The following PTPRK variants were observed in gnomAD, a reference collection of about 807,000 sequenced individuals.
The protein encoded by PTPRK is protein tyrosine phosphatase receptor type K, also known as receptor-type tyrosine-protein phosphatase kappa.
PTPRK carries 75 observed loss-of-function variants against 178.0 expected under a neutral mutation model. The observed-to-expected ratio is 0.42, with a 90% CI of 0.35 to 0.51. The LOEUF (loss-of-function observed/expected upper bound fraction) is 0.51, where lower values mean the gene tolerates loss of function less well. PTPRK is among the 20% of genes least tolerant of loss of function. The pLI is 0.02. For missense variants in PTPRK, 1,441 were observed against 1,797.8 expected, an observed-to-expected ratio of 0.80 and a Z score of 3.59; for synonymous variants, 637 against 620.6, an observed-to-expected ratio of 1.03 and a Z score of -0.39.
chr6:128,365,296 CACAA>C (rs1562365105), intron 2 of PTPRK, among the ~76,000 whole-genome samples: 1 of 152,044 alleles, frequency 6.6e-6, no homozygotes, highest in Non-Finnish European at 1.5e-5. Context: ...TCTTTATAGA[CACAA>C]ACAATCAAAG....
At chr6:128,252,150 C>T (rs183467974) in intron 3 of PTPRK, among the ~76,000 whole-genome samples, 14 of 152,250 alleles carry the variant, frequency 9.2e-5, no homozygotes, top group Middle Eastern at 3.4e-3. Flanking sequence ...AGCCCAAAGA[C>T]GGAGATTTTC....
chr6:128,108,970 G>C (rs1256028892), intron 7 of PTPRK, among the ~76,000 whole-genome samples: 1 of 152,012 alleles, frequency 6.6e-6, no homozygotes, highest in African/African-American at 2.4e-5. Context: ...CCCAAACTCT[G>C]ACCTCCAAAT....
intron 17 of PTPRK, among the ~76,000 whole-genome samples, chr6:127,996,027 A>C (rs144655904): frequency 4.9e-4 from 74 of 152,226 alleles, no homozygotes; most frequent in African/African-American, 1.7e-3. Context: ...AATTCAGAGC[A>C]GAGTGGTCTA....
rs148650575 is a variant in PTPRK at position 128,307,831 on chromosome 6, A to G, written c.495+14208T>C. The stretch of plus-strand genomic sequence containing the variant: ...CAAGGGTTACTCAGCATATGCATCA[A>G]TAGAAATGCATACTGCCAGCTGGAA... On this transcript the variant is annotated intron_variant, in intron 3 of 29. Coordinates refer to ENST00000368226, the MANE Select transcript of PTPRK (RefSeq NM_002844.4). 1.3e-3 allele frequency among the ~76,000 whole-genome samples: 198 copies of G among 152,318 alleles called. 1 individual carries two copies. The highest frequency in any genetic ancestry group is 4.5e-3 in the African/African-American group (188 of 41,578).
chr6:128,063,066 C>T (rs770111766), intron 13 of PTPRK, among the ~76,000 whole-genome samples: 2 of 152,046 alleles, frequency 1.3e-5, no homozygotes, highest in African/African-American at 2.4e-5. Context: ...ATAAGTTTCT[C>T]AATACTAAAA....
At chr6:128,423,455 T>C (rs1843728484) in intron 1 of PTPRK, among the ~76,000 whole-genome samples, 1 of 151,964 alleles carries the variant, frequency 6.6e-6, no homozygotes, top group Non-Finnish European at 1.5e-5. Flanking sequence ...ATTTTAAAAC[T>C]ATTTCTTGAG....
At chr6:127,975,515 G>A (rs2114610946) in intron 27 of PTPRK, among the ~76,000 whole-genome samples, 1 of 152,230 alleles carries the variant, frequency 6.6e-6, no homozygotes, top group Non-Finnish European at 1.5e-5. Flanking sequence ...ACTGAAACAT[G>A]ATAATCCTAA....
intron 13 of PTPRK, among the ~76,000 whole-genome samples, chr6:128,017,768 A>AAATC (rs1443818659): frequency 1.4e-4 from 18 of 130,836 alleles, no homozygotes; most frequent in Non-Finnish European, 2.4e-4. Flanking sequence ...ATACATATAT[A>AAATC]AATATTTATA....
At chr6:128,515,388 T>C in intron 1 of PTPRK, among the ~76,000 whole-genome samples, 1 of 152,192 alleles carries the variant, frequency 6.6e-6, no homozygotes, top group Non-Finnish European at 1.5e-5. Flanking sequence ...CTTTTTTTTT[T>C]CAGTACTATG....
chr6:128,057,225 T>C (rs898187616), intron 13 of PTPRK, among the ~76,000 whole-genome samples: 1 of 152,222 alleles, frequency 6.6e-6, no homozygotes, highest in Non-Finnish European at 1.5e-5. Context: ...TCTTCAAATA[T>C]TCTTTTAACT....
intron 1 of PTPRK, among the ~76,000 whole-genome samples, chr6:128,476,914 G>A (rs1851447536): frequency 6.6e-6 from 1 of 151,630 alleles, no homozygotes; most frequent in African/African-American, 2.4e-5. Context: ...TCTTGAGAGT[G>A]AAAACGAATA....
rs542502188 is a variant in PTPRK at position 128,295,145 on chromosome 6, G to A, written c.495+26894C>T. On this transcript the variant is annotated intron_variant, in intron 3 of 29. Coordinates refer to ENST00000368226, the MANE Select transcript of PTPRK (RefSeq NM_002844.4). ...AAATACAAACTATGCAATAAACTATGTGTCAACATATGAATACTTTCAAAC... is the reference window on the plus strand; with the variant it reads ...AAATACAAACTATGCAATAAACTATATGTCAACATATGAATACTTTCAAAC... Among the ~76,000 whole-genome samples, 34 of 152,172 alleles carry A rather than the reference G, an allele frequency of 2.2e-4. No individual in the cohort carries two copies. In the South Asian group the frequency reaches 6.6e-3, roughly 30 times the overall value.
rs200274380 is a variant in PTPRK, at chr6:127,995,270, C to T, written c.2844+192G>A. 9.3e-6 allele frequency: 15 copies of T among 1,606,680 alleles called. No homozygotes were observed. The African/African-American group carries it at 1.7e-4, about 19-fold the overall frequency. ...TTACATCCCTGTACAGCCAAATCTACAGCCCAAACCAAAGTCAGGTGTGAA... is the reference window on the plus strand; with the variant it reads ...TTACATCCCTGTACAGCCAAATCTATAGCCCAAACCAAAGTCAGGTGTGAA... On this transcript the variant is annotated intron_variant, in intron 18 of 29. Coordinates refer to ENST00000368226, the MANE Select transcript of PTPRK (RefSeq NM_002844.4).
chr6:128,367,646 T>G (rs1207045593), intron 2 of PTPRK, among the ~76,000 whole-genome samples: 1 of 152,148 alleles, frequency 6.6e-6, no homozygotes, highest in Non-Finnish European at 1.5e-5. Context: ...AATCTCCGAA[T>G]CAAGTGTTGG....
chr6:128,188,852 T>C (rs1262917802), intron 6 of PTPRK, among the ~76,000 whole-genome samples: 2 of 152,204 alleles, frequency 1.3e-5, no homozygotes, highest in Non-Finnish European at 2.9e-5. Context: ...TCCTCTCCTG[T>C]CTGTAGTCAA....
chr6:128,076,963 T>G (rs57062112), intron 11 of PTPRK, among the ~76,000 whole-genome samples: 13,570 of 152,046 alleles, frequency 0.089, 2,104 homozygotes, highest in African/African-American at 0.31. Context: ...TCAATCAATG[T>G]TTGTGGAAAA....
chr6:128,029,286 C>T (rs139903296), intron 13 of PTPRK, among the ~76,000 whole-genome samples: 2,876 of 152,128 alleles, frequency 0.019, 93 homozygotes, highest in African/African-American at 0.065. Context: ...GAGGCCCTCA[C>T]CAGAAGCAGA....
chr6:128,378,372 CAG>C (rs1562392417), intron 2 of PTPRK, among the ~76,000 whole-genome samples: 1 of 152,036 alleles, frequency 6.6e-6, no homozygotes, highest in South Asian at 2.1e-4. Flanking sequence ...TAAATATACA[CAG>C]ACACACACAG....
At chr6:128,143,399 T>A (rs1486251608) in intron 7 of PTPRK, among the ~76,000 whole-genome samples, 5 of 152,178 alleles carry the variant, frequency 3.3e-5, no homozygotes, top group Non-Finnish European at 7.3e-5. Context: ...TACATGAATG[T>A]TTTATTTCTG....
Sources: allele counts gnomAD v4.1 joint callset (sites outside exome capture counted in the v4.1 genomes callset), GRCh38; gene constraint gnomAD v4.1.1; transcripts MANE v1.5; gene names NCBI Gene and HGNC (gene_info 2026-07-23, HGNC 2026-07-21).